The following PCDHA7 variants were observed in gnomAD, a reference collection of about 807,000 sequenced individuals.
PCDHA7 encodes protocadherin alpha-7.
In PCDHA7, 37 loss-of-function variants were observed where a neutral mutation model predicts 57.2. The ratio of observed to expected loss-of-function variants is 0.65; its 90% CI spans 0.50 to 0.85. The LOEUF (loss-of-function observed/expected upper bound fraction) is 0.85. Ranked by LOEUF, PCDHA7 falls within the 40% of genes least tolerant of loss-of-function variation. The probability of loss-of-function intolerance (pLI) is 0.00; values close to 1 mark genes in which losing one functional copy is unlikely to be tolerated. For missense variants in PCDHA7, 1,188 were observed against 1,241.8 expected, an observed-to-expected ratio of 0.96 and a Z score of 0.65; for synonymous variants, 553 against 558.8, an observed-to-expected ratio of 0.99 and a Z score of 0.15.
At chr5:140,850,974 GT>G in intron 1 of PCDHA7, 1 of 1,455,106 alleles carries the variant, frequency 6.9e-7, no homozygotes, top group Non-Finnish European at 9.2e-7. Flanking sequence ...CGTTCAAATA[GT>G]TTTATTCATT....
chr5:140,889,434 G>T (rs1349291699), intron 1 of PCDHA7, among the ~76,000 whole-genome samples: 1 of 151,774 alleles, frequency 6.6e-6, no homozygotes, highest in African/African-American at 2.4e-5. Context: ...ATTTTTTCAG[G>T]TATTTTCCTG....
chr5:140,857,763 C>T (rs782102895), intron 1 of PCDHA7: 4 of 1,597,078 alleles, frequency 2.5e-6, no homozygotes, highest in East Asian at 2.2e-5. Context: ...GCTGGCAGCG[C>T]GGGCGGTGCA....
At position 140,856,108 on chromosome 5, in the gene PCDHA7, C is replaced by T. The variant is rs782347472; in HGVS notation, c.2355+19370C>T. 109 of 1,597,910 alleles carry T rather than the reference C, an allele frequency of 6.8e-5. 10 individuals are homozygous for T. The highest frequency in any genetic ancestry group is 9.3e-5 in the Non-Finnish European group (109 of 1,167,634). ...GTCTGCTGCTCTCGCTTCTTCTCCT[C>T]GCAGCCTGGGAGGTGGGGAGCGGCC... On this transcript the variant is annotated intron_variant, in intron 1 of 3. Transcript: ENST00000525929.
chr5:140,982,967 T>C (rs1395576199), intron 3 of PCDHA7, among the ~76,000 whole-genome samples: 1 of 150,996 alleles, frequency 6.6e-6, no homozygotes, highest in Non-Finnish European at 1.5e-5. Flanking sequence ...CCACCCAAAG[T>C]AGTAAGGAAA....
At chr5:140,928,282 C>G in intron 1 of PCDHA7, 1 of 1,614,166 alleles carries the variant, frequency 6.2e-7, no homozygotes, top group Non-Finnish European at 8.5e-7. Flanking sequence ...TGGGGCCTCT[C>G]TAGGCCGAGT....
intron 1 of PCDHA7, chr5:140,854,600 AT>A (rs2043170892): frequency 6.7e-6 from 1 of 150,110 alleles, no homozygotes; most frequent in African/African-American, 2.4e-5. Context: ...GTTTAAAGTA[AT>A]TGACACATTT....
intron 1 of PCDHA7, chr5:140,871,365 G>A: frequency 6.2e-7 from 1 of 1,614,218 alleles, no homozygotes; most frequent in Non-Finnish European, 8.5e-7. Context: ...AGCAGAGGCG[G>A]CAGAGGGTGT....
intron 1 of PCDHA7, chr5:140,881,365 T>G (rs1216010175): frequency 2.0e-6 from 2 of 985,144 alleles, no homozygotes; most frequent in Non-Finnish European, 2.4e-6. Context: ...GGCTTTCGTA[T>G]GAATTGCAGC....
At chr5:140,888,673 A>T (rs571585641) in intron 1 of PCDHA7, among the ~76,000 whole-genome samples, 1 of 152,298 alleles carries the variant, frequency 6.6e-6, no homozygotes, top group Admixed American at 6.5e-5. Context: ...TGCCCTGTGC[A>T]TTAAGAGGTC....
intron 1 of PCDHA7, chr5:140,927,418 C>A: frequency 6.2e-7 from 1 of 1,614,106 alleles, no homozygotes; most frequent in Non-Finnish European, 8.5e-7. Flanking sequence ...CATGGGATCG[C>A]GGGTTGACGG....
chr5:140,856,116 G>A, intron 1 of PCDHA7: 2 of 1,598,152 alleles, frequency 1.3e-6, no homozygotes, highest in African/African-American at 2.7e-5. Context: ...CTCGCAGCCT[G>A]GGAGGTGGGG....
chr5:140,926,842 G>A (rs1388239431), intron 1 of PCDHA7: 1 of 1,514,684 alleles, frequency 6.6e-7, no homozygotes, highest in Non-Finnish European at 8.8e-7. Flanking sequence ...GCATGGTCCT[G>A]GGTCACCGTT....
intron 1 of PCDHA7, chr5:140,843,736 A>G: frequency 6.5e-7 from 1 of 1,547,470 alleles, no homozygotes; most frequent in African/African-American, 1.4e-5. Context: ...TTAAATTTAG[A>G]ACTCATAAAT....
chr5:140,954,161 C>G (rs2094990748), intron 1 of PCDHA7, among the ~76,000 whole-genome samples: 1 of 152,200 alleles, frequency 6.6e-6, no homozygotes, highest in African/African-American at 2.4e-5. Context: ...ATATGTACCA[C>G]ATTTTCTTTA....
At chr5:140,948,866 G>A (rs552659179) in intron 1 of PCDHA7, among the ~76,000 whole-genome samples, 32 of 151,022 alleles carry the variant, frequency 2.1e-4, no homozygotes, top group Non-Finnish European at 2.5e-4. Context: ...ATATTACTTC[G>A]GGTTTACTTT....
At chr5:140,927,926 T>C (rs782407263) in intron 1 of PCDHA7, 2 of 1,614,212 alleles carry the variant, frequency 1.2e-6, no homozygotes, top group East Asian at 2.2e-5. Context: ...TTCCTGACTC[T>C]TTCGAACCCA....
intron 1 of PCDHA7, among the ~76,000 whole-genome samples, chr5:140,880,565 A>T (rs1554171321): frequency 6.6e-6 from 1 of 152,206 alleles, no homozygotes; most frequent in Non-Finnish European, 1.5e-5. Flanking sequence ...TGAGGTTGAG[A>T]ATTTGAGAAG....
intron 1 of PCDHA7, among the ~76,000 whole-genome samples, chr5:140,948,690 T>C (rs1241278993): frequency 6.6e-6 from 1 of 151,592 alleles, no homozygotes; most frequent in Non-Finnish European, 1.5e-5. Context: ...TTTTTGATAT[T>C]GGTGATTTGT....
At chr5:140,852,630 T>C in intron 1 of PCDHA7, 1 of 954,540 alleles carries the variant, frequency 1.0e-6, no homozygotes, top group Non-Finnish European at 1.3e-6. Context: ...GTCTCTGAGC[T>C]CCTGTCATTA....
Sources: allele counts gnomAD v4.1 joint callset (sites outside exome capture counted in the v4.1 genomes callset), GRCh38; gene constraint gnomAD v4.1.1; transcripts MANE v1.5; gene names NCBI Gene and HGNC (gene_info 2026-07-23, HGNC 2026-07-21).